The following PLAAT3 variants were observed in gnomAD, a reference collection of about 807,000 sequenced individuals.
PLAAT3 encodes the protein phospholipase A and acyltransferase 3.
Under a neutral mutation model 16.7 loss-of-function variants are expected in PLAAT3, and 21 were observed. The observed-to-expected ratio is 1.26, with a 90% confidence interval of 0.89 to 1.81. PLAAT3 has a LOEUF of 1.81. PLAAT3 is among the 40% of genes most tolerant of loss of function. The probability of loss-of-function intolerance (pLI) is 0.00; values close to 1 mark genes in which losing one functional copy is unlikely to be tolerated. For synonymous variants in PLAAT3, 76 were observed against 81.7 expected (o/e 0.93, Z 0.38); for missense variants, 219 against 213.7 (o/e 1.02, Z -0.16).
At chr11:63,586,691 T>C (rs1056825667) in intron 4 of PLAAT3, among the ~76,000 whole-genome samples, 1 of 152,204 alleles carries the variant, frequency 6.6e-6, no homozygotes, top group Non-Finnish European at 1.5e-5. Flanking sequence ...GTTATCATGT[T>C]TGTCTTTCTT....
At chr11:63,585,272 C>T (rs138085939) in intron 4 of PLAAT3, among the ~76,000 whole-genome samples, 4,105 of 152,242 alleles carry the variant, frequency 0.027, 184 homozygotes, top group African/African-American at 0.094. Flanking sequence ...ATCTGCCCGC[C>T]TCGGCCTCTC....
chr11:63,600,369 C>T (rs1036160794), intron 2 of PLAAT3, among the ~76,000 whole-genome samples: 5 of 151,984 alleles, frequency 3.3e-5, no homozygotes, highest in African/African-American at 9.7e-5. Context: ...AAAAGTATTC[C>T]GTTATCTAAA....
intron 2 of PLAAT3, among the ~76,000 whole-genome samples, chr11:63,599,726 G>A (rs1170842149): frequency 6.6e-6 from 1 of 152,048 alleles, no homozygotes; most frequent in Admixed American, 6.6e-5. Context: ...AAAAAAAAGA[G>A]TATTAATTGT....
At chr11:63,606,409 C>G (rs1429550361) in intron 2 of PLAAT3, among the ~76,000 whole-genome samples, 6 of 144,856 alleles carry the variant, frequency 4.1e-5, no homozygotes, top group Non-Finnish European at 9.2e-5. Flanking sequence ...ATGGCAAAAC[C>G]CCGTCTCTAC....
chr11:63,579,611 A>G (rs1263301593), intron 4 of PLAAT3, among the ~76,000 whole-genome samples: 7 of 151,740 alleles, frequency 4.6e-5, no homozygotes, highest in Non-Finnish European at 7.4e-5. Context: ...TTTTCAGCAA[A>G]CTATCACAAG....
intron 4 of PLAAT3, among the ~76,000 whole-genome samples, chr11:63,575,350 T>G (rs933315029): frequency 8.5e-5 from 13 of 152,230 alleles, no homozygotes; most frequent in African/African-American, 2.9e-4. Context: ...AGGGAGCTGA[T>G]GCCAGGATGG....
intron 4 of PLAAT3, among the ~76,000 whole-genome samples, chr11:63,587,535 G>GT (rs1344967109): frequency 5.6e-4 from 81 of 145,360 alleles, no homozygotes; most frequent in Admixed American, 1.8e-3. Flanking sequence ...ATCTTTTTTT[G>GT]TTTGTTTTTT....
chr11:63,599,243 G>C (rs568668725), intron 2 of PLAAT3, among the ~76,000 whole-genome samples: 2 of 152,182 alleles, frequency 1.3e-5, no homozygotes, highest in Non-Finnish European at 2.9e-5. Flanking sequence ...TTCATCCTTT[G>C]CTGGAGTCTT....
chr11:63,590,435 C>G, intron 3 of PLAAT3, 67 bp from the exon 4 acceptor site: 1 of 1,474,722 alleles, frequency 6.8e-7, no homozygotes, highest in Non-Finnish European at 9.3e-7. Context: ...TCAGAGCTGG[C>G]CCCCAGCCGG....
At chr11:63,597,978 G>A in intron 3 of PLAAT3, 83 bp downstream of exon 3, 3 of 886,594 alleles carry the variant, frequency 3.4e-6, no homozygotes, top group South Asian at 1.4e-5. Flanking sequence ...AGAATGTTGG[G>A]GTCACCTGTT....
At chr11:63,577,198 G>A (rs1183855006) in intron 4 of PLAAT3, among the ~76,000 whole-genome samples, 1 of 150,154 alleles carries the variant, frequency 6.7e-6, no homozygotes, top group Non-Finnish European at 1.5e-5. Flanking sequence ...TTGAGATGGA[G>A]TTTGCTCTTG....
In PLAAT3 at chr11:63,598,107, C is replaced by T. The variant is rs749138204; in HGVS notation, c.72G>A (p.Trp24Ter). ...IEIFRPFYRHWAIYVGDGYVV... is the reference protein window; with the variant it reads ...IEIFRPFYRH ...CATATCCATCGCCAACATAGATGGC[C>T]CAGTGTCTGTAGAAAGGGCGAAAAA... is the stretch of plus-strand genomic sequence containing the variant. Residue 24 changes from tryptophan to a stop codon, truncating the protein, a stop_gained, in exon 3 of 5, where the codon TGG (tryptophan) becomes TGA (stop). Transcript: ENST00000415826. LOFTEE classifies it high-confidence loss of function. 6.2e-7 allele frequency: 1 copy of T among 1,614,060 alleles called. No individual in the cohort carries two copies. Among genetic ancestry groups the T allele is most frequent in the South Asian group, 1.1e-5 (1 of 91,086 alleles).
intron 4 of PLAAT3, among the ~76,000 whole-genome samples, chr11:63,582,363 C>T (rs953082794): frequency 4.6e-5 from 7 of 152,220 alleles, no homozygotes; most frequent in Admixed American, 2.6e-4. Flanking sequence ...AAGGAGCAAC[C>T]AGCACAGAGG....
chr11:63,576,588 G>A (rs886500804), intron 4 of PLAAT3, among the ~76,000 whole-genome samples: 2 of 152,184 alleles, frequency 1.3e-5, no homozygotes, highest in African/African-American at 4.8e-5. Flanking sequence ...GCGCCATTGG[G>A]CTCCGTCCTT....
At chr11:63,590,418 C>G (rs148710113) in intron 3 of PLAAT3, 50 bp from the exon 4 acceptor site, 8 of 1,567,702 alleles carry the variant, frequency 5.1e-6, no homozygotes, top group Admixed American at 1.7e-5. Context: ...GGAAGGGCCA[C>G]GGAGGCTCAG....
chr11:63,579,878 A>T (rs1937753259), intron 4 of PLAAT3, among the ~76,000 whole-genome samples: 1 of 150,138 alleles, frequency 6.7e-6, no homozygotes, highest in Non-Finnish European at 1.5e-5. Context: ...ATAATAAAAA[A>T]AAAAAAAAAA....
chr11:63,599,393 C>T (rs1215740195), intron 2 of PLAAT3, among the ~76,000 whole-genome samples: 1 of 152,154 alleles, frequency 6.6e-6, no homozygotes, highest in African/African-American at 2.4e-5. Context: ...CAGAGACATT[C>T]CATCAAGGAT....
At chr11:63,615,676 G>GTT (rs753670922), upstream of PLAAT3, among the ~76,000 whole-genome samples, 408 of 141,082 alleles carry the variant, frequency 2.9e-3, 5 homozygotes, top group African/African-American at 9.9e-3. Context: ...GGGGTTTTTT[G>GTT]TTTTTTTTTT....
At position 63,575,015 on chromosome 11, in the gene PLAAT3, G is replaced by C. The variant is rs2017640390; in HGVS notation, c.419C>G (p.Ala140Gly). Residue 140 changes from alanine (A) to glycine (G), a missense_variant, in exon 5 of 5, where the codon GCA (alanine) becomes GGA (glycine). Physicochemically the swap from Ala to Gly is moderately conservative, Grantham distance 60. Transcript: ENST00000415826. ...VRDVIIAASV[A>G]GMGLAAMSLI... ...GCTCATGGCTGCCAAGCCCATTCCT[G>C]CAACGCTTGCAGCGATGATGACATC... is the stretch of plus-strand genomic sequence containing the variant. 6.2e-7 allele frequency: 1 copy of C among 1,613,116 alleles called. No homozygotes were observed. Among genetic ancestry groups the C allele is most frequent in the African/African-American group, 1.3e-5 (1 of 74,934 alleles).
Sources: gnomAD v4.1 joint callset for allele counts (sites outside exome capture counted in the v4.1 genomes callset) on GRCh38, gnomAD v4.1.1 for gene constraint, MANE v1.5 for transcripts, NCBI Gene and HGNC (gene_info 2026-07-23, HGNC 2026-07-21) for gene names.